The following PLEKHB2 variants were observed in gnomAD, a reference collection of about 807,000 sequenced individuals.
PLEKHB2 encodes pleckstrin homology domain containing B2.
A neutral mutation model predicts 36.5 loss-of-function variants in PLEKHB2; 31 were observed. That is an observed-to-expected ratio of 0.85 (90% confidence interval 0.64 to 1.15). The LOEUF (loss-of-function observed/expected upper bound fraction) is 1.15, where lower values mean the gene tolerates loss of function less well. Ranked by LOEUF, PLEKHB2 falls within the 50% of genes most tolerant of loss-of-function variation. The pLI is 0.00. For synonymous variants in PLEKHB2, 119 were observed against 112.0 expected (o/e 1.06, Z -0.39); for missense variants, 262 against 295.3 (o/e 0.89, Z 0.83).
intron 6 of PLEKHB2, among the ~76,000 whole-genome samples, chr2:131,139,649 G>A (rs1175557590): frequency 6.6e-6 from 1 of 152,168 alleles, no homozygotes. Flanking sequence ...CTTTTCATAG[G>A]TGTGTGCAGC....
rs1158585670 is a variant in PLEKHB2 at position 131,148,886 on chromosome 2, T to C, written c.*2113T>C. On this transcript the variant is annotated 3_prime_UTR_variant, in exon 8 of 8. Transcript: ENST00000693505. The stretch of plus-strand genomic sequence containing the variant: ...GTATGTACACTTTACTTAAAAACTA[T>C]TAACAGTTTTTCATGTTGCACTGGT... The C allele has an allele frequency of 6.6e-6, 1 of 152,230 alleles. No individual in the cohort carries two copies. Among genetic ancestry groups the C allele is most frequent in the African/African-American group, 2.4e-5 (1 of 41,456 alleles). The allele number at this position is 152,230 out of a possible 1,614,324, so 9.4% of individuals were successfully genotyped here.
chr2:131,130,163 C>A (rs1697535923), intron 4 of PLEKHB2, among the ~76,000 whole-genome samples: 7 of 152,248 alleles, frequency 4.6e-5, no homozygotes, highest in Admixed American at 3.9e-4. Context: ...CCCACCTCAG[C>A]CTCCCAAGTA....
chr2:131,127,932 T>C (rs1480086105), intron 4 of PLEKHB2, among the ~76,000 whole-genome samples: 1 of 152,156 alleles, frequency 6.6e-6, no homozygotes, highest in Non-Finnish European at 1.5e-5. Flanking sequence ...TGCAGGGCAG[T>C]GAAAGGCACT....
chr2:131,129,729 C>A (rs112156133), intron 4 of PLEKHB2, among the ~76,000 whole-genome samples: 866 of 47,816 alleles, frequency 0.018, 13 homozygotes, highest in Admixed American at 0.028. Context: ...GTCTCGAACT[C>A]CTGACCTCAG....
rs1340645454 is a variant in PLEKHB2 at position 131,129,778 on chromosome 2, C to T, written c.294-943C>T. On this transcript the variant is annotated intron_variant, in intron 4 of 7. Coordinates refer to ENST00000693505, the MANE Select transcript of PLEKHB2 (RefSeq NM_001100623.2). ...TTGACCTCCCGAAGTGCTGGGATTACAGGCGTGAGAGACTGCTTTTTGCCT... is the reference window on the plus strand; with the variant it reads ...TTGACCTCCCGAAGTGCTGGGATTATAGGCGTGAGAGACTGCTTTTTGCCT... Among the ~76,000 whole-genome samples the T allele has an allele frequency of 2.6e-5, 4 of 152,100 alleles. No individual in the cohort carries two copies. In the East Asian group the frequency reaches 7.7e-4, roughly 29 times the overall value.
chr2:131,133,209 AAGAT>A (rs1259073503), intron 6 of PLEKHB2, among the ~76,000 whole-genome samples: 25 of 152,220 alleles, frequency 1.6e-4, no homozygotes, highest in African/African-American at 5.8e-4. Context: ...ACACGTTTTT[AAGAT>A]AGATCTAAAA....
intron 1 of PLEKHB2, among the ~76,000 whole-genome samples, chr2:131,111,490 CTTGT>C (rs769249374): frequency 1.5e-5 from 2 of 132,306 alleles, no homozygotes; most frequent in Non-Finnish European, 3.2e-5. Context: ...TCTTTTTATT[CTTGT>C]TTTTTTTTTT....
rs150436705 is a variant in PLEKHB2 at position 131,132,768 on chromosome 2, C to A, written c.334-134C>A. 5.6e-4 allele frequency: 315 copies of A among 566,330 alleles called. 2 individuals carry two copies. In the East Asian group the frequency reaches 8.5e-3, roughly 15 times the overall value. 35.1% of individuals were successfully genotyped at this position (566,330 alleles called of 1,614,324 possible). ...CCCCACTGGACTGGGGGAGTTTTTC[C>A]TGTTTTGCAGAGAGCTATGTATCTT... is the stretch of plus-strand genomic sequence containing the variant. On this transcript the variant is annotated intron_variant, in intron 5 of 7. Transcript: ENST00000693505.
rs1466243198 is a variant in PLEKHB2, at chr2:131,146,824, AT to A, written c.*52del. On this transcript the variant is annotated 3_prime_UTR_variant, in exon 8 of 8. Transcript: ENST00000693505. ...GCTTCTGATAACCCTGTGTGCAATA[AT>A]ATGATTTGCAGGGCATTTCTGTTTG... 3 of 1,462,328 alleles carry A rather than the reference AT, an allele frequency of 2.1e-6. No homozygotes were observed. Among genetic ancestry groups the A allele is most frequent in the East Asian group, 4.8e-5 (2 of 42,086 alleles). 90.6% of individuals were successfully genotyped at this position (1,462,328 alleles called of 1,614,324 possible). A position where few individuals can be genotyped will look rare whatever the true frequency, so the allele number is the denominator to read the frequency against.
In PLEKHB2 at chr2:131,132,914, T is replaced by C; in HGVS notation, c.346T>C (p.Ser116Pro). ...DSRTNTAYVG[S>P]AVMTDETSVV... ...CTGTCTCCCGCAGGCGTATGTGGGC[T>C]CTGCAGTCATGACCGATGAGACATC... The change falls in exon 6 of 8, where the codon TCT becomes CCT. Residue 116 changes from serine to proline, a missense_variant. Coordinates refer to ENST00000693505, the MANE Select transcript of PLEKHB2 (RefSeq NM_001100623.2). The C allele has an allele frequency of 6.2e-7, 1 of 1,609,536 alleles. No individual in the cohort carries two copies. Among genetic ancestry groups the C allele is most frequent in the East Asian group, 2.2e-5 (1 of 44,862 alleles).
chr2:131,144,197 C>T lies in PLEKHB2; in HGVS notation c.533-2440C>T, dbSNP rs564242659. ...CCACAAGAACCCTCCTAGTCATGCA[C>T]AGAGCTGGTTAAGGCTCTCTCTTCA... is the stretch of plus-strand genomic sequence containing the variant. On this transcript the variant is annotated intron_variant, in intron 7 of 7. Transcript: ENST00000693505. 3.3e-5 allele frequency among the ~76,000 whole-genome samples: 5 copies of T among 152,344 alleles called. No homozygotes were observed. The East Asian group carries it at 9.6e-4, about 29-fold the overall frequency.
chr2:131,135,266 C>T (rs1231261635), intron 6 of PLEKHB2, among the ~76,000 whole-genome samples: 1 of 152,124 alleles, frequency 6.6e-6, no homozygotes, highest in Non-Finnish European at 1.5e-5. Flanking sequence ...TGGGGTTTCA[C>T]CATGATGGCC....
rs1322033722 is a variant in PLEKHB2 at position 131,147,222 on chromosome 2, T to C, written c.*449T>C. ...GACCAGAACTGGTTGCATGTTACTT[T>C]AGGAGTTGTGGGTTGGTAAGCTCCC... On this transcript the variant is annotated 3_prime_UTR_variant, in exon 8 of 8. Transcript: ENST00000693505. 2.0e-5 allele frequency: 3 copies of C among 152,532 alleles called. No individual in the cohort carries two copies. The highest frequency in any genetic ancestry group is 4.8e-5 in the African/African-American group (2 of 41,586). 9.4% of individuals were successfully genotyped at this position (152,532 alleles called of 1,614,324 possible).
chr2:131,126,957 CCT>C (rs1342710604), intron 4 of PLEKHB2, 171 bp downstream of exon 4: 5 of 579,726 alleles, frequency 8.6e-6, no homozygotes, highest in Non-Finnish European at 1.5e-5. Context: ...CTAGTTTCTG[CCT>C]CTCTCAGACT....
Position 131,126,786 on chromosome 2 carries a change from TGTAA to T in PLEKHB2, c.293+3_293+6del. On this transcript the variant is annotated splice_donor_variant and splice_donor_region_variant and intron_variant, in intron 4 of 7. Transcript: ENST00000693505. LOFTEE classifies it high-confidence loss of function. ...TGTGCAGAAAGCACAGATGATTGCTTGTAAGTTTTGCTTTCTTATGTGTTTAATT... is the reference window on the plus strand; with the variant it reads ...TGTGCAGAAAGCACAGATGATTGCTTGTTTTGCTTTCTTATGTGTTTAATT... 6.5e-7 allele frequency: 1 copy of T among 1,540,902 alleles called. No homozygotes were observed. The highest frequency in any genetic ancestry group is 9.0e-7 in the Non-Finnish European group (1 of 1,114,594).
chr2:131,140,259 C>T lies in PLEKHB2; in HGVS notation c.516C>T (p.Tyr172=). The change falls in exon 7 of 8, where the codon TAC becomes TAT. Residue 172 remains tyrosine (Y), a synonymous_variant. Coordinates refer to ENST00000693505, the MANE Select transcript of PLEKHB2 (RefSeq NM_001100623.2). ...AANGQAYAVP[Y]QYPYAGLYGQ... Reference sequence around the variant, plus strand: ...ATGGGCAGGCGTATGCCGTGCCCTACCAGTACCCATATGCAGGTAACTCAC... The same window carrying T: ...ATGGGCAGGCGTATGCCGTGCCCTATCAGTACCCATATGCAGGTAACTCAC... The T allele has an allele frequency of 3.8e-6, 6 of 1,599,032 alleles. No homozygotes were observed. Among genetic ancestry groups the T allele is most frequent in the Non-Finnish European group, 5.1e-6 (6 of 1,166,756 alleles).
At chr2:131,119,992 A>C (rs1696316344) in intron 1 of PLEKHB2, among the ~76,000 whole-genome samples, 1 of 146,586 alleles carries the variant, frequency 6.8e-6, no homozygotes, top group Non-Finnish European at 1.5e-5. Context: ...TTTTTGAGAC[A>C]GAGTCTTACT....
At position 131,146,782 on chromosome 2, in the gene PLEKHB2, A is replaced by G. The variant is rs769564127; in HGVS notation, c.*9A>G. The G allele has an allele frequency of 1.3e-6, 2 of 1,595,424 alleles. No homozygotes were observed. Among genetic ancestry groups the G allele is most frequent in the East Asian group, 2.3e-5 (1 of 44,422 alleles). On this transcript the variant is annotated 3_prime_UTR_variant, in exon 8 of 8. Coordinates refer to ENST00000693505, the MANE Select transcript of PLEKHB2 (RefSeq NM_001100623.2). The stretch of plus-strand genomic sequence containing the variant: ...TATTTTGGGTCTTCTAGGGGCCTCA[A>G]GGTCTTGATGTGCATAGCTTCTGAT...
Position 131,137,977 on chromosome 2 carries a change from T to C in PLEKHB2, c.424-2190T>C, listed in dbSNP as rs114447005. ...TTCTACTCTCCTTCTGGCACTCTGA[T>C]AACATCCCTGTTAGTCTCATGTGTC... On this transcript the variant is annotated intron_variant, in intron 6 of 7. Coordinates refer to ENST00000693505, the MANE Select transcript of PLEKHB2 (RefSeq NM_001100623.2). 4.6e-3 allele frequency among the ~76,000 whole-genome samples: 694 copies of C among 151,884 alleles called. 5 individuals carry two copies. Among genetic ancestry groups the C allele is most frequent in the African/African-American group, 0.016 (655 of 41,468 alleles).
Sources: gnomAD v4.1 joint callset for allele counts (sites outside exome capture counted in the v4.1 genomes callset) on GRCh38, gnomAD v4.1.1 for gene constraint, MANE v1.5 for transcripts, NCBI Gene and HGNC (gene_info 2026-07-23, HGNC 2026-07-21) for gene names.